Variants in TENM3 observed in about 807,000 individuals in gnomAD.
The protein encoded by TENM3 is teneurin transmembrane protein 3.
Under a neutral mutation model 255.1 loss-of-function variants are expected in TENM3, and 63 were observed. The ratio of observed to expected loss-of-function variants is 0.25; its 90% CI spans 0.20 to 0.30. The LOEUF (loss-of-function observed/expected upper bound fraction) is 0.30, where lower values mean the gene tolerates loss of function less well. Among genes scored for constraint, TENM3 ranks in the 10% least tolerant of loss-of-function variants. TENM3 has a pLI of 1.00. For synonymous variants in TENM3, 1,306 were observed against 1,322.3 expected (o/e 0.99, Z 0.27); for missense variants, 2,929 against 3,461.1 (o/e 0.85, Z 3.86).
At chr4:182,488,002 G>C (rs1341122943) in intron 3 of TENM3, among the ~76,000 whole-genome samples, 1 of 152,186 alleles carries the variant, frequency 6.6e-6, no homozygotes, top group African/African-American at 2.4e-5. Flanking sequence ...GCAAGAAGTA[G>C]AGATAAACAT....
the TENM3 span, among the ~76,000 whole-genome samples, chr4:181,604,897 C>T: frequency 6.6e-6 from 1 of 152,174 alleles, no homozygotes; most frequent in Non-Finnish European, 1.5e-5. Context: ...ACCTCACTCT[C>T]CTCATCTGGA....
intron 16 of TENM3, among the ~76,000 whole-genome samples, chr4:182,734,560 A>G (rs754187895): frequency 6.6e-6 from 1 of 152,208 alleles, no homozygotes; most frequent in Non-Finnish European, 1.5e-5. Flanking sequence ...CGCAATCACA[A>G]TGGTAGTGGA....
the TENM3 span, among the ~76,000 whole-genome samples, chr4:181,574,508 G>C: frequency 6.6e-6 from 1 of 151,328 alleles, no homozygotes; most frequent in African/African-American, 2.4e-5. Context: ...TCCGCAGTCC[G>C]GCCTGGGCGA....
chr4:182,680,872 A>G, intron 10 of TENM3, 135 bp downstream of exon 10: 1 of 607,042 alleles, frequency 1.6e-6, no homozygotes, highest in Non-Finnish European at 2.6e-6. Context: ...ATGTTTATGA[A>G]TGCATTGTTT....
At chr4:181,453,970 C>T in the TENM3 span, among the ~76,000 whole-genome samples, 174 of 152,250 alleles carry the variant, frequency 1.1e-3, 2 homozygotes, top group African/African-American at 4.1e-3. Context: ...TAACACTGTA[C>T]AGCTTTTGAC....
intron 3 of TENM3, among the ~76,000 whole-genome samples, chr4:182,359,355 C>T (rs1248509781): frequency 2.0e-5 from 3 of 151,326 alleles, no homozygotes; most frequent in Non-Finnish European, 4.4e-5. Flanking sequence ...GTCCTGGACT[C>T]TTTTTGGTTG....
the TENM3 span, among the ~76,000 whole-genome samples, chr4:181,553,890 G>A: frequency 8.3e-3 from 1,259 of 151,982 alleles, 10 homozygotes; most frequent in African/African-American, 0.028. Flanking sequence ...TCTTAGCGCT[G>A]CCCAGCAATC....
chr4:181,574,935 C>T, the TENM3 span, among the ~76,000 whole-genome samples: 1 of 152,104 alleles, frequency 6.6e-6, no homozygotes, highest in South Asian at 2.1e-4. Flanking sequence ...AAGAAGTCTA[C>T]ATCAAGTTCT....
At chr4:182,688,382 C>T (rs757990384) in intron 12 of TENM3, 31 bp downstream of exon 12, 1 of 1,487,426 alleles carries the variant, frequency 6.7e-7, no homozygotes, top group Non-Finnish European at 9.0e-7. Flanking sequence ...TGTCTGTCCC[C>T]TTCCTCCCAG....
At chr4:182,537,575 T>C (rs76805487) in intron 3 of TENM3, among the ~76,000 whole-genome samples, 6,464 of 152,292 alleles carry the variant, frequency 0.042, 239 homozygotes, top group East Asian at 0.11. Context: ...TACTTGCAAA[T>C]GCTTAACATT....
chr4:182,671,211 TCTCC>T (rs1236435628), intron 6 of TENM3, among the ~76,000 whole-genome samples: 4 of 152,124 alleles, frequency 2.6e-5, no homozygotes, highest in African/African-American at 7.2e-5. Flanking sequence ...ATTATGTTAC[TCTCC>T]CCATTTTCTA....
chr4:182,571,719 G>C (rs1560942142), intron 3 of TENM3, among the ~76,000 whole-genome samples: 2 of 152,074 alleles, frequency 1.3e-5, no homozygotes, highest in African/African-American at 4.8e-5. Flanking sequence ...AATTTCCACA[G>C]AAAAATAATT....
At chr4:182,790,231 C>T (rs1303074958) in intron 25 of TENM3, among the ~76,000 whole-genome samples, 1 of 152,122 alleles carries the variant, frequency 6.6e-6, no homozygotes, top group Non-Finnish European at 1.5e-5. Context: ...TCTCAGACCC[C>T]AGAGCATGGC....
chr4:182,409,593 G>A (rs902684550), intron 3 of TENM3, among the ~76,000 whole-genome samples: 1 of 152,138 alleles, frequency 6.6e-6, no homozygotes, highest in Non-Finnish European at 1.5e-5. Flanking sequence ...TTCAGCAGTC[G>A]ATGATGAGGA....
chr4:182,514,440 G>T (rs141634917), intron 3 of TENM3, among the ~76,000 whole-genome samples: 2,651 of 152,242 alleles, frequency 0.017, 67 homozygotes, highest in Admixed American at 0.027. Context: ...CAGAGTTTAG[G>T]TGCCTGAAAG....
At chr4:182,773,356 A>T in intron 22 of TENM3, 116 bp from the exon 23 acceptor site, 1 of 938,566 alleles carries the variant, frequency 1.1e-6, no homozygotes, top group Non-Finnish European at 1.6e-6. Context: ...TCGCTCATCC[A>T]CGAAGACAAA....
intron 3 of TENM3, among the ~76,000 whole-genome samples, chr4:182,573,965 T>TA (rs1744669764): frequency 6.6e-6 from 1 of 152,168 alleles, no homozygotes; most frequent in South Asian, 2.1e-4. Context: ...TACAATAAAA[T>TA]ATGAAAAACT....
At chr4:182,763,117 T>G (rs991144665) in intron 22 of TENM3, among the ~76,000 whole-genome samples, 9 of 152,174 alleles carry the variant, frequency 5.9e-5, no homozygotes, top group Non-Finnish European at 1.3e-4. Context: ...TAACTTAAGA[T>G]TTTCCCATGA....
At chr4:181,569,870 G>A in the TENM3 span, among the ~76,000 whole-genome samples, 1 of 152,072 alleles carries the variant, frequency 6.6e-6, no homozygotes, top group African/African-American at 2.4e-5. Context: ...CCTACTATGT[G>A]TCAGCCACAG....
Sources: gnomAD v4.1 joint callset for allele counts (sites outside exome capture counted in the v4.1 genomes callset) on GRCh38, gnomAD v4.1.1 for gene constraint, MANE v1.5 for transcripts, NCBI Gene and HGNC (gene_info 2026-07-23, HGNC 2026-07-21) for gene names.